Variants in ARID3A observed in about 807,000 individuals in gnomAD.
The protein encoded by ARID3A is AT-rich interactive domain-containing protein 3A.
ARID3A carries 11 observed loss-of-function variants against 52.7 expected under a neutral mutation model. The observed-to-expected ratio is 0.21, with a 90% CI of 0.13 to 0.35. The LOEUF is 0.35. ARID3A is among the 10% of genes least tolerant of loss of function. The pLI is 1.00. For synonymous variants in ARID3A, 404 were observed against 359.4 expected (o/e 1.12, Z -1.40); for missense variants, 721 against 838.5 (o/e 0.86, Z 1.73).
At chr19:966,931 A>G (rs2038170582) in intron 7 of ARID3A, 63 bp downstream of exon 7, 1 of 1,514,146 alleles carries the variant, frequency 6.6e-7, no homozygotes, top group African/African-American at 1.4e-5. Context: ...AGGGCCTTGG[A>G]GCCTACATAT....
intron 3 of ARID3A, among the ~76,000 whole-genome samples, chr19:939,818 G>C (rs1229633076): frequency 6.6e-6 from 1 of 152,160 alleles, no homozygotes; most frequent in African/African-American, 2.4e-5. Context: ...TTCGGGGCGT[G>C]AGAGTTGCTT....
intron 3 of ARID3A, among the ~76,000 whole-genome samples, chr19:934,065 T>G (rs1301825255): frequency 2.6e-5 from 4 of 152,214 alleles, no homozygotes; most frequent in Non-Finnish European, 5.9e-5. Context: ...TTCATTAATT[T>G]AATTCACCAA....
intron 3 of ARID3A, among the ~76,000 whole-genome samples, chr19:957,385 G>C (rs1683583): frequency 5.3e-5 from 8 of 152,082 alleles, no homozygotes; most frequent in African/African-American, 1.7e-4. Context: ...TCCCGCACTC[G>C]CCGCTGTGTC....
At chr19:939,692 G>A (rs914854808) in intron 3 of ARID3A, among the ~76,000 whole-genome samples, 1 of 152,052 alleles carries the variant, frequency 6.6e-6, no homozygotes, top group Non-Finnish European at 1.5e-5. Context: ...GGGATGTTCC[G>A]AGCCACCTGG....
intron 3 of ARID3A, among the ~76,000 whole-genome samples, chr19:936,529 C>G (rs1036250930): frequency 4.6e-5 from 7 of 151,852 alleles, no homozygotes; most frequent in African/African-American, 1.7e-4. Flanking sequence ...GGTGACAGAG[C>G]GAGACCCTGT....
At chr19:962,255 A>G (rs1171472725) in intron 4 of ARID3A, among the ~76,000 whole-genome samples, 2 of 152,054 alleles carry the variant, frequency 1.3e-5, no homozygotes, top group Non-Finnish European at 2.9e-5. Context: ...CCTGTGTCAC[A>G]AAGTAAAAAA....
Position 972,938 on chromosome 19 carries a change from G to T in ARID3A, c.*873G>T, listed in dbSNP as rs1022369301. The stretch of plus-strand genomic sequence containing the variant: ...ACATCGGATCCCTGGGGCTAGAGCC[G>T]CGGAGCCAATGAACTCAGGTGCTAT... On this transcript the variant is annotated 3_prime_UTR_variant, in exon 9 of 9. Coordinates refer to ENST00000263620, the MANE Select transcript of ARID3A (RefSeq NM_005224.3). 4.6e-5 allele frequency: 9 copies of T among 197,270 alleles called. No individual in the cohort carries two copies. The highest frequency in any genetic ancestry group is 9.4e-5 in the Non-Finnish European group (9 of 95,660). The allele number at this position is 197,270 out of a possible 1,614,324, so 12.2% of individuals were successfully genotyped here. A position where few individuals can be genotyped will look rare whatever the true frequency, so the allele number is the denominator to read the frequency against.
chr19:937,259 A>G (rs1217387230), intron 3 of ARID3A, among the ~76,000 whole-genome samples: 1 of 152,160 alleles, frequency 6.6e-6, no homozygotes, highest in Non-Finnish European at 1.5e-5. Flanking sequence ...GGGAGACTCC[A>G]TCTCAGAAAA....
intron 3 of ARID3A, among the ~76,000 whole-genome samples, chr19:954,684 G>T (rs746798301): frequency 6.6e-6 from 1 of 152,172 alleles, no homozygotes; most frequent in South Asian, 2.1e-4. Context: ...GAGCATCTGC[G>T]GAGGTGATAT....
Position 959,222 on chromosome 19 carries a change from A to G in ARID3A, c.694-870A>G, listed in dbSNP as rs984611682. On this transcript the variant is annotated intron_variant, in intron 3 of 8. Coordinates refer to ENST00000263620, the MANE Select transcript of ARID3A (RefSeq NM_005224.3). The surrounding 1 kb of genome is among the most constrained non-coding windows in gnomAD (Gnocchi z 5.0). ...GCCCCCAGAAGCCGTGAGAGGCAGG[A>G]AGGTTCCTCCCTTGGAGACTTCGGA... is the stretch of plus-strand genomic sequence containing the variant. Among the ~76,000 whole-genome samples, 1 of 152,096 alleles carries G rather than the reference A, an allele frequency of 6.6e-6. No homozygotes were observed. Among genetic ancestry groups the G allele is most frequent in the African/African-American group, 2.4e-5 (1 of 41,424 alleles).
chr19:930,012 C>G (rs1568354223), intron 2 of ARID3A, 116 bp downstream of exon 2: 3 of 1,428,290 alleles, frequency 2.1e-6, no homozygotes, highest in Non-Finnish European at 2.8e-6. Flanking sequence ...TCCTGTAATT[C>G]CAGCAGTTTG....
At chr19:951,568 C>A (rs1309723008) in intron 3 of ARID3A, among the ~76,000 whole-genome samples, 1 of 151,714 alleles carries the variant, frequency 6.6e-6, no homozygotes, top group Non-Finnish European at 1.5e-5. Flanking sequence ...GGAAAAAAAA[C>A]AACGTAGACT....
chr19:960,104 G>C lies in ARID3A; in HGVS notation c.706G>C (p.Asp236His), dbSNP rs779139236. 1 of 1,613,020 alleles carries C rather than the reference G, an allele frequency of 6.2e-7. No homozygotes were observed. Among genetic ancestry groups the C allele is most frequent in the Non-Finnish European group, 8.5e-7 (1 of 1,179,462 alleles). Residue 236 changes from aspartate (D) to histidine (H), a missense_variant, in exon 4 of 9, where the codon GAC becomes CAC. Asp to His is a moderately conservative substitution (Grantham distance 81). This residue lies in a region of ARID3A where 27 missense variants were observed against 35.7 expected (regional missense o/e 0.76). Coordinates refer to ENST00000263620, the MANE Select transcript of ARID3A (RefSeq NM_005224.3). The surrounding 1 kb of genome is among the most constrained non-coding windows in gnomAD (Gnocchi z 4.3). ...TCCACCCTCACAGCTCTACGAACTC[G>C]ACGGGGACCCCAAGAGGAAGGAATT... ...EEQFKQLYEL[D>H]GDPKRKEFLD...
In ARID3A at chr19:960,444, C is replaced by T. The variant is rs544076176; in HGVS notation, c.766+280C>T. On this transcript the variant is annotated intron_variant, in intron 4 of 8. Coordinates refer to ENST00000263620, the MANE Select transcript of ARID3A (RefSeq NM_005224.3). The surrounding 1 kb of genome is among the most constrained non-coding windows in gnomAD (Gnocchi z 4.3). Reference sequence around the variant, plus strand: ...CCAACCCAGAACAGACAGTCCAGGTCATCTCCTTAGCATCCAGGGTGCAGT... The same window carrying T: ...CCAACCCAGAACAGACAGTCCAGGTTATCTCCTTAGCATCCAGGGTGCAGT... 3.2e-3 allele frequency among the ~76,000 whole-genome samples: 494 copies of T among 152,068 alleles called. 5 individuals carry two copies. Among genetic ancestry groups the T allele is most frequent in the African/African-American group, 0.012 (482 of 41,470 alleles).
chr19:954,474 A>T (rs72984091), intron 3 of ARID3A, among the ~76,000 whole-genome samples: 1 of 152,236 alleles, frequency 6.6e-6, no homozygotes, highest in Admixed American at 6.5e-5. Flanking sequence ...TTCATTTAAC[A>T]TGCATTTATT....
At position 942,496 on chromosome 19, in the gene ARID3A, A is replaced by G. The variant is rs1042404147; in HGVS notation, c.693+9754A>G. 3.9e-5 allele frequency among the ~76,000 whole-genome samples: 6 copies of G among 152,234 alleles called. No individual in the cohort carries two copies. Among genetic ancestry groups the G allele is most frequent in the Non-Finnish European group, 5.9e-5 (4 of 68,024 alleles). On this transcript the variant is annotated intron_variant, in intron 3 of 8. Coordinates refer to ENST00000263620, the MANE Select transcript of ARID3A (RefSeq NM_005224.3). The surrounding 1 kb of genome is among the most constrained non-coding windows in gnomAD (Gnocchi z 8.1). ...GCCTCTTCTCCGCTCTGCCGGCTGC[A>G]CATGGCCAGAGGACAATTGGGGGTC... is the stretch of plus-strand genomic sequence containing the variant.
chr19:939,766 C>T (rs1172414819), intron 3 of ARID3A, among the ~76,000 whole-genome samples: 1 of 152,188 alleles, frequency 6.6e-6, no homozygotes, highest in Non-Finnish European at 1.5e-5. Flanking sequence ...ACACACTTCC[C>T]TCGGTCATTT....
intron 7 of ARID3A, 133 bp from the exon 8 acceptor site, chr19:968,272 T>C: frequency 1.6e-6 from 1 of 623,638 alleles, no homozygotes; most frequent in Admixed American, 3.2e-5. Flanking sequence ...GGCAGGAGAA[T>C]GGCGTGAACC....
chr19:954,754 C>A (rs2037879873), intron 3 of ARID3A, among the ~76,000 whole-genome samples: 1 of 149,902 alleles, frequency 6.7e-6, no homozygotes, highest in East Asian at 2.0e-4. Flanking sequence ...GGGACCCAGA[C>A]GAAGGGAAGG....
Sources: allele counts gnomAD v4.1 joint callset (sites outside exome capture counted in the v4.1 genomes callset), GRCh38; gene constraint gnomAD v4.1.1; regional missense constraint gnomAD v4.1.1; non-coding constraint Gnocchi (gnomAD v3.1); transcripts MANE v1.5; gene names NCBI Gene and HGNC (gene_info 2026-07-23, HGNC 2026-07-21).